Variants in DYNC2I1 observed in about 807,000 individuals in gnomAD.
DYNC2I1 encodes the protein dynein 2 intermediate chain 1.
DYNC2I1 carries 89 observed loss-of-function variants against 133.4 expected under a neutral mutation model. That is an observed-to-expected ratio of 0.67 (90% confidence interval 0.56 to 0.80). The LOEUF (loss-of-function observed/expected upper bound fraction) is 0.80. Ranked by LOEUF, DYNC2I1 falls within the 30% of genes least tolerant of loss-of-function variation. The pLI is 0.00. For synonymous variants in DYNC2I1, 504 were observed against 484.3 expected, an observed-to-expected ratio of 1.04 and a Z score of -0.54; for missense variants, 1,291 against 1,314.5, an observed-to-expected ratio of 0.98 and a Z score of 0.28.
chr7:158,879,788 A>G lies in DYNC2I1; in HGVS notation c.678A>G (p.Lys226=), dbSNP rs759760480. The G allele has an allele frequency of 1.2e-6, 2 of 1,612,770 alleles. No homozygotes were observed. Among genetic ancestry groups the G allele is most frequent in the Admixed American group, 3.4e-5 (2 of 59,672 alleles). ...RKPREPDRDN[K]HREKSSTREK... is the part of the protein sequence containing the mutation. ...CCAGAGAGCCAGATCGAGACAACAAACACCGAGAAAAAAGCAGCACAAGGG... is the reference window on the plus strand; with the variant it reads ...CCAGAGAGCCAGATCGAGACAACAAGCACCGAGAAAAAAGCAGCACAAGGG... The change falls in exon 5 of 25, where the codon AAA becomes AAG. Residue 226 remains lysine, a synonymous_variant. Coordinates refer to ENST00000407559, the MANE Select transcript of DYNC2I1 (RefSeq NM_018051.5).
At chr7:158,938,754 TCAACAACAA>T (rs554871046) in intron 23 of DYNC2I1, among the ~76,000 whole-genome samples, 1 of 151,102 alleles carries the variant, frequency 6.6e-6, no homozygotes, top group Admixed American at 6.6e-5. Context: ...AAACTCCATC[TCAACAACAA>T]CAACAACAAC....
rs570300292 is a variant in DYNC2I1 at position 158,941,868 on chromosome 7, C to T, written c.2779-57C>T. On this transcript the variant is annotated intron_variant, in intron 23 of 24. Transcript: ENST00000407559. ...CTCCAGGCTGGGTGACAGAGTGAGA[C>T]CCTGTCTCAAAAAGAAAAAGGCCAT... 3.0e-5 allele frequency: 46 copies of T among 1,538,342 alleles called. 1 individual carries two copies. The South Asian group carries it at 5.1e-4, about 17-fold the overall frequency.
chr7:158,936,737 C>T (rs892901560), intron 23 of DYNC2I1, among the ~76,000 whole-genome samples: 2 of 152,182 alleles, frequency 1.3e-5, no homozygotes, highest in African/African-American at 2.4e-5. Flanking sequence ...TTCCACAGGT[C>T]TTCTGAACAC....
At chr7:158,948,550 C>T (rs969378677), downstream of DYNC2I1, among the ~76,000 whole-genome samples, 2 of 149,300 alleles carry the variant, frequency 1.3e-5, no homozygotes, top group African/African-American at 5.0e-5. Context: ...CAGTCATCGC[C>T]CCCGGGTGCT....
At chr7:158,893,573 T>C (rs1177780859) in intron 8 of DYNC2I1, among the ~76,000 whole-genome samples, 1 of 152,188 alleles carries the variant, frequency 6.6e-6, no homozygotes, top group Non-Finnish European at 1.5e-5. Context: ...TTGTTCAGCC[T>C]CTTGGTCACG....
intron 6 of DYNC2I1, among the ~76,000 whole-genome samples, chr7:158,886,337 T>C (rs1340950742): frequency 6.6e-6 from 1 of 152,084 alleles, no homozygotes; most frequent in Non-Finnish European, 1.5e-5. Context: ...TTTCTCCATG[T>C]TGGCCAGACT....
chr7:158,850,901 A>G, the DYNC2I1 span, among the ~76,000 whole-genome samples: 1 of 152,012 alleles, frequency 6.6e-6, no homozygotes, highest in South Asian at 2.1e-4. Flanking sequence ...CTCTAACTTT[A>G]TGAGGAGCTG....
At chr7:158,923,883 CA>C (rs1849350611) in intron 17 of DYNC2I1, 150 bp downstream of exon 17, 6 of 965,670 alleles carry the variant, frequency 6.2e-6, no homozygotes, top group Non-Finnish European at 7.4e-6. Context: ...TTGATAAATA[CA>C]AAAAACAGAA....
chr7:158,928,385 A>G (rs972450139), intron 20 of DYNC2I1, among the ~76,000 whole-genome samples: 25 of 151,840 alleles, frequency 1.6e-4, no homozygotes, highest in African/African-American at 5.8e-4. Flanking sequence ...CTGGCAAAAA[A>G]TAATATGAGT....
chr7:158,863,243 G>A (rs1210954086), intron 1 of DYNC2I1, among the ~76,000 whole-genome samples: 1 of 152,054 alleles, frequency 6.6e-6, no homozygotes, highest in Non-Finnish European at 1.5e-5. Flanking sequence ...GCCGATTGGT[G>A]CGTTTACAAA....
intron 1 of DYNC2I1, among the ~76,000 whole-genome samples, chr7:158,864,120 T>TGG (rs376341294): frequency 2.7e-4 from 7 of 25,806 alleles, no homozygotes; most frequent in African/African-American, 7.9e-4. Context: ...GCTCCGGGTG[T>TGG]GGGGGGGGGA....
intron 5 of DYNC2I1, among the ~76,000 whole-genome samples, chr7:158,881,451 T>TTTTA (rs1024331055): frequency 1.4e-4 from 22 of 152,188 alleles, no homozygotes; most frequent in African/African-American, 5.3e-4. Flanking sequence ...TTTTATTTAT[T>TTTTA]TTTATTTATT....
At chr7:158,911,886 G>A (rs1265236736) in intron 12 of DYNC2I1, among the ~76,000 whole-genome samples, 2 of 152,258 alleles carry the variant, frequency 1.3e-5, no homozygotes, top group East Asian at 3.8e-4. Flanking sequence ...GCACTCCAGA[G>A]CCTTCAGGAG....
At chr7:158,853,661 T>G (rs566933152), upstream of DYNC2I1, among the ~76,000 whole-genome samples, 9,305 of 151,644 alleles carry the variant, frequency 0.061, 369 homozygotes, top group African/African-American at 0.11. Context: ...AGAGGTTTTT[T>G]TTTTTTTTTT....
chr7:158,944,628 G>A (rs530839593), intron 24 of DYNC2I1, among the ~76,000 whole-genome samples: 7 of 152,320 alleles, frequency 4.6e-5, no homozygotes, highest in African/African-American at 1.7e-4. Flanking sequence ...CCCACGTCCT[G>A]TGGAGTGAGC....
intron 14 of DYNC2I1, among the ~76,000 whole-genome samples, chr7:158,915,149 A>T (rs911748937): frequency 1.3e-5 from 2 of 151,928 alleles, no homozygotes; most frequent in Non-Finnish European, 2.9e-5. Flanking sequence ...ATTAAGGATG[A>T]TTGTGAAATG....
At chr7:158,905,043 C>A in intron 10 of DYNC2I1, 1 of 375,798 alleles carries the variant, frequency 2.7e-6, no homozygotes, top group Non-Finnish European at 5.1e-6. Flanking sequence ...GTACAAGAAG[C>A]CACCGAAATC....
chr7:158,927,862 T>C (rs1206890115), intron 20 of DYNC2I1, among the ~76,000 whole-genome samples: 3 of 152,204 alleles, frequency 2.0e-5, no homozygotes, highest in Non-Finnish European at 4.4e-5. Flanking sequence ...AGTGAATGTT[T>C]TGATCTTAGT....
intron 14 of DYNC2I1, among the ~76,000 whole-genome samples, chr7:158,915,758 C>T (rs1585146352): frequency 1.4e-5 from 2 of 144,692 alleles, no homozygotes; most frequent in Admixed American, 6.7e-5. Flanking sequence ...GATTGTGAAA[C>T]GTCTACACGC....
Sources: allele counts gnomAD v4.1 joint callset (sites outside exome capture counted in the v4.1 genomes callset), GRCh38; gene constraint gnomAD v4.1.1; transcripts MANE v1.5; gene names NCBI Gene and HGNC (gene_info 2026-07-23, HGNC 2026-07-21).